Variants in DRC11L observed in about 807,000 individuals in gnomAD.
The protein encoded by DRC11L is dynein regulatory complex subunit like-11.
At chr7:151,203,571 C>A in the DRC11L span, 1 of 398,402 alleles carries the variant, frequency 2.5e-6, no homozygotes, top group Non-Finnish European at 4.4e-6. Flanking sequence ...GCCATCTGGC[C>A]GATCCGTTAC....
the DRC11L span, among the ~76,000 whole-genome samples, chr7:151,193,734 G>C: frequency 6.6e-6 from 1 of 152,098 alleles, no homozygotes; most frequent in Non-Finnish European, 1.5e-5. Context: ...CATGGGTCTG[G>C]GAGGAGCCTG....
the DRC11L span, among the ~76,000 whole-genome samples, chr7:151,205,009 C>T: frequency 2.0e-5 from 3 of 152,186 alleles, no homozygotes; most frequent in African/African-American, 7.2e-5. Context: ...GAGTGGACAC[C>T]GACCTGGTCT....
At chr7:151,198,984 A>C in the DRC11L span, 1 of 398,994 alleles carries the variant, frequency 2.5e-6, no homozygotes, top group East Asian at 3.6e-5. Context: ...CAGGTGCTCT[A>C]CCTGGTTGGG....
the DRC11L span, chr7:151,191,698 C>T: frequency 1.5e-5 from 6 of 399,222 alleles, no homozygotes; most frequent in Non-Finnish European, 2.7e-5. Context: ...GTCCCAGGAA[C>T]TCAGAGGCCA....
chr7:151,191,784 GC>G, the DRC11L span: 3 of 399,106 alleles, frequency 7.5e-6, no homozygotes, highest in Non-Finnish European at 1.3e-5. Context: ...ATGTGACCCG[GC>G]GTGTAGCCAT....
the DRC11L span, chr7:151,205,381 T>G: frequency 3.0e-5 from 12 of 399,116 alleles, no homozygotes; most frequent in Admixed American, 3.5e-4. Context: ...CTCTCAGGAC[T>G]AAGGAGATGC....
At chr7:151,194,123 G>A in the DRC11L span, 1 of 386,232 alleles carries the variant, frequency 2.6e-6, no homozygotes, top group Non-Finnish European at 4.6e-6. Flanking sequence ...CAGGGCCTGG[G>A]CAGGGCAGGA....
At chr7:151,203,888 G>A in the DRC11L span, among the ~76,000 whole-genome samples, 2 of 152,216 alleles carry the variant, frequency 1.3e-5, no homozygotes, top group Non-Finnish European at 2.9e-5. Context: ...GTGCACTGCT[G>A]CAGCTGGTTG....
At chr7:151,196,184 C>T in the DRC11L span, among the ~76,000 whole-genome samples, 1 of 152,182 alleles carries the variant, frequency 6.6e-6, no homozygotes, top group Non-Finnish European at 1.5e-5. Flanking sequence ...CCCTCCACAC[C>T]CCTGCTGCAT....
the DRC11L span, among the ~76,000 whole-genome samples, chr7:151,199,230 G>A: frequency 2.0e-5 from 3 of 152,114 alleles, no homozygotes; most frequent in African/African-American, 7.2e-5. The surrounding 1 kb of genome is among the most constrained non-coding windows in gnomAD (Gnocchi z 5.2). Context: ...CTAATAATGA[G>A]TCTGCTAGAT....
the DRC11L span, among the ~76,000 whole-genome samples, chr7:151,194,096 C>A: frequency 6.6e-6 from 1 of 151,994 alleles, no homozygotes; most frequent in East Asian, 1.9e-4. Context: ...GTGGCCCAAT[C>A]TGGGTGTGAC....
chr7:151,194,548 T>C, the DRC11L span: 28 of 399,366 alleles, frequency 7.0e-5, no homozygotes, highest in Admixed American at 7.9e-4. Flanking sequence ...TGACTCACTC[T>C]TCCTTAGAAG....
At chr7:151,192,356 T>C in the DRC11L span, 1 of 399,268 alleles carries the variant, frequency 2.5e-6, no homozygotes. Context: ...CTCGGCCAGC[T>C]GTGGCCGGGA....
chr7:151,196,843 T>A, the DRC11L span: 1 of 398,242 alleles, frequency 2.5e-6, no homozygotes, highest in East Asian at 3.6e-5. Flanking sequence ...TCTCCTCATT[T>A]GGTGTTGTCC....
the DRC11L span, chr7:151,203,311 G>C: frequency 5.0e-6 from 2 of 398,854 alleles, no homozygotes; most frequent in African/African-American, 2.1e-5. Flanking sequence ...CTCTGGTAGA[G>C]AGCAGGGAGG....
the DRC11L span, chr7:151,204,672 G>A: frequency 2.5e-6 from 1 of 399,018 alleles, no homozygotes; most frequent in Non-Finnish European, 4.4e-6. Flanking sequence ...GTCATAGACG[G>A]TGTCGAAGCG....
the DRC11L span, chr7:151,197,356 A>G: frequency 9.5e-5 from 38 of 398,976 alleles, no homozygotes; most frequent in South Asian, 4.6e-3. Flanking sequence ...GACATTTCAG[A>G]GAAGATCAAG....
chr7:151,205,267 G>T, the DRC11L span, among the ~76,000 whole-genome samples: 7 of 152,134 alleles, frequency 4.6e-5, no homozygotes, highest in Non-Finnish European at 1.0e-4. Context: ...GCAGAGCCCT[G>T]GTTCTGGAAT....
chr7:151,203,383 A>G, the DRC11L span: 1 of 399,106 alleles, frequency 2.5e-6, no homozygotes, highest in South Asian at 1.3e-4. Context: ...GGAGGGTGTC[A>G]CCCCCGTTTA....
Sources: gnomAD v4.1 joint callset for allele counts (sites outside exome capture counted in the v4.1 genomes callset) on GRCh38, gnomAD v4.1.1 for gene constraint, Gnocchi (gnomAD v3.1) non-coding constraint, MANE v1.5 for transcripts, NCBI Gene and HGNC (gene_info 2026-07-23, HGNC 2026-07-21) for gene names.